TTC27: variants seen among roughly 807,000 people sequenced by gnomAD.
The protein encoded by TTC27 is tetratricopeptide repeat protein 27.
Under a neutral mutation model 115.9 loss-of-function variants are expected in TTC27, and 79 were observed. The observed-to-expected ratio is 0.68, with a 90% CI of 0.57 to 0.82. The LOEUF (loss-of-function observed/expected upper bound fraction) is 0.82, where lower values mean the gene tolerates loss of function less well. Ranked by LOEUF, TTC27 falls within the 40% of genes least tolerant of loss-of-function variation. The pLI is 0.00. For missense variants in TTC27, 1,054 were observed against 993.1 expected (o/e 1.06, Z -0.82); for synonymous variants, 401 against 356.0 (o/e 1.13, Z -1.42).
rs1664601247 is a variant in TTC27, at chr2:32,640,472, C to T, written c.537+62C>T. On this transcript the variant is annotated intron_variant, in intron 4 of 19. Transcript: ENST00000317907. ...GACTTTTGTGCTTATTAACACCAGG[C>T]TGTAGATGTGTTGCTGACAATGTCT... The T allele has an allele frequency of 5.4e-6, 8 of 1,490,858 alleles. No individual in the cohort carries two copies. In the South Asian group the frequency reaches 9.8e-5, roughly 18 times the overall value. 92.4% of individuals were successfully genotyped at this position (1,490,858 alleles called of 1,614,324 possible). A position where few individuals can be genotyped will look rare whatever the true frequency, so the allele number is the denominator to read the frequency against.
At chr2:32,790,678 C>T (rs1448000295) in intron 16 of TTC27, among the ~76,000 whole-genome samples, 2 of 152,148 alleles carry the variant, frequency 1.3e-5, no homozygotes, top group Non-Finnish European at 2.9e-5. Flanking sequence ...CTGTCTGAAA[C>T]TTTGTATCCT....
intron 12 of TTC27, among the ~76,000 whole-genome samples, chr2:32,747,037 T>G (rs1296153195): frequency 3.3e-5 from 5 of 152,196 alleles, no homozygotes; most frequent in Non-Finnish European, 7.3e-5. Context: ...CTAGTGTTTC[T>G]CACCTTCTCT....
At chr2:32,810,149 T>C (rs1258550140) in intron 16 of TTC27, among the ~76,000 whole-genome samples, 1 of 148,082 alleles carries the variant, frequency 6.8e-6, no homozygotes, top group African/African-American at 2.5e-5. Context: ...CAACCTGAGG[T>C]AGTTGGAAAG....
chr2:32,636,325 C>T (rs755836469), intron 3 of TTC27, among the ~76,000 whole-genome samples: 8 of 152,058 alleles, frequency 5.3e-5, no homozygotes, highest in African/African-American at 7.2e-5. Context: ...ATGATTCTCC[C>T]ACCTCAGCCT....
chr2:32,641,996 C>T (rs1664668798), intron 4 of TTC27, among the ~76,000 whole-genome samples: 1 of 152,170 alleles, frequency 6.6e-6, no homozygotes, highest in South Asian at 2.1e-4. Flanking sequence ...GCTGGGACTA[C>T]AGGCGGCTGC....
intron 18 of TTC27, among the ~76,000 whole-genome samples, chr2:32,816,993 A>T (rs934246858): frequency 1.3e-5 from 2 of 152,150 alleles, no homozygotes; most frequent in Non-Finnish European, 2.9e-5. Context: ...GTGTGCTCGA[A>T]TGCATGCGTG....
Position 32,664,477 on chromosome 2 carries a change from A to C in TTC27, c.805+10A>C. On this transcript the variant is annotated intron_variant, in intron 6 of 19. Transcript: ENST00000317907. ...CAAATTGATTTGACAGGTAAGACTT[A>C]TTTTTTGTGGATAATTGATTTTATT... The C allele has an allele frequency of 6.3e-7, 1 of 1,591,578 alleles. No homozygotes were observed. The highest frequency in any genetic ancestry group is 8.5e-7 in the Non-Finnish European group (1 of 1,174,146).
intron 1 of TTC27, among the ~76,000 whole-genome samples, chr2:32,629,545 C>T (rs1463472073): frequency 6.6e-6 from 1 of 152,204 alleles, no homozygotes; most frequent in Non-Finnish European, 1.5e-5. Context: ...CGCCATTCTC[C>T]TGCCTCAGCC....
intron 18 of TTC27, among the ~76,000 whole-genome samples, chr2:32,816,902 T>A (rs1055625): frequency 0.2 from 31,114 of 152,110 alleles, 3,277 homozygotes; most frequent in Admixed American, 0.26. Flanking sequence ...TGCATCTGTT[T>A]TTGTCTGTGT....
chr2:32,803,239 A>G (rs565390716), intron 16 of TTC27, among the ~76,000 whole-genome samples: 11 of 152,204 alleles, frequency 7.2e-5, no homozygotes, highest in African/African-American at 1.9e-4. Context: ...CAGTGAGTGG[A>G]GGGCAAAGTA....
chr2:32,729,880 A>G (rs1668235106), intron 10 of TTC27, among the ~76,000 whole-genome samples: 1 of 151,988 alleles, frequency 6.6e-6, no homozygotes, highest in African/African-American at 2.4e-5. Flanking sequence ...ACCACTTTTT[A>G]CTTATGACTA....
intron 13 of TTC27, among the ~76,000 whole-genome samples, chr2:32,771,374 A>G (rs973500449): frequency 2.0e-5 from 3 of 152,222 alleles, no homozygotes; most frequent in South Asian, 2.1e-4. Flanking sequence ...TTAGGGAGAT[A>G]TATCTAACAG....
At chr2:32,765,454 T>G (rs1457576144) in intron 13 of TTC27, among the ~76,000 whole-genome samples, 17 of 152,080 alleles carry the variant, frequency 1.1e-4, no homozygotes, top group African/African-American at 4.1e-4. Context: ...TGGGCTTCAT[T>G]GTTCCACTTA....
In TTC27 at chr2:32,628,130, T is replaced by G. The variant is rs575067181; in HGVS notation, c.-163T>G. On this transcript the variant is annotated 5_prime_UTR_variant, in exon 1 of 20. Transcript: ENST00000317907. ...CGCGCTGCTGTTATGGCCGCCTCCT[T>G]GAGGTAGTATCCGCACATGGAATTC... 2.8e-5 allele frequency: 18 copies of G among 647,692 alleles called. No homozygotes were observed. Among genetic ancestry groups the G allele is most frequent in the Admixed American group, 8.4e-5 (3 of 35,776 alleles). The allele number at this position is 647,692 out of a possible 1,614,324, so 40.1% of individuals were successfully genotyped here.
At chr2:32,679,025 A>T in intron 9 of TTC27, 103 bp downstream of exon 9, 1 of 912,958 alleles carries the variant, frequency 1.1e-6, no homozygotes, top group Non-Finnish European at 1.7e-6. Flanking sequence ...ACTGCCACCT[A>T]AGGAAATAAG....
chr2:32,787,276 A>AT lies in TTC27; in HGVS notation c.1998+134dup, dbSNP rs1289253356. On this transcript the variant is annotated intron_variant, in intron 16 of 19. Transcript: ENST00000317907. Reference sequence around the variant, plus strand: ...AACACATGTAACATATGAAAAGGGTATTTTTTTCTAGTCAAATATTCTTCA... The same window carrying AT: ...AACACATGTAACATATGAAAAGGGTATTTTTTTTCTAGTCAAATATTCTTCA... 7 of 1,002,614 alleles carry AT rather than the reference A, an allele frequency of 7.0e-6. No homozygotes were observed. The African/African-American group carries it at 8.2e-5, about 12-fold the overall frequency. 62.1% of individuals were successfully genotyped at this position (1,002,614 alleles called of 1,614,324 possible).
chr2:32,740,020 G>A (rs960405499), intron 12 of TTC27, among the ~76,000 whole-genome samples: 12 of 152,122 alleles, frequency 7.9e-5, no homozygotes, highest in African/African-American at 2.2e-4. Flanking sequence ...AGAAACTACC[G>A]GCATACATTC....
At chr2:32,751,558 T>C (rs1057359355) in intron 12 of TTC27, among the ~76,000 whole-genome samples, 1 of 152,114 alleles carries the variant, frequency 6.6e-6, no homozygotes, top group African/African-American at 2.4e-5. Flanking sequence ...AGGCCCAGAT[T>C]ACTGGGCCTA....
chr2:32,805,415 T>C (rs79196046), intron 16 of TTC27, among the ~76,000 whole-genome samples: 1,680 of 152,318 alleles, frequency 0.011, 36 homozygotes, highest in African/African-American at 0.038. Flanking sequence ...TGTGTAACCA[T>C]GAGAAAGTTT....
Sources: allele counts gnomAD v4.1 joint callset (sites outside exome capture counted in the v4.1 genomes callset), GRCh38; gene constraint gnomAD v4.1.1; transcripts MANE v1.5; gene names NCBI Gene and HGNC (gene_info 2026-07-23, HGNC 2026-07-21).